Variants in XPO5 observed in about 807,000 individuals in gnomAD.
XPO5 encodes the protein exportin-5.
XPO5 carries 46 observed loss-of-function variants against 160.6 expected under a neutral mutation model. That is an observed-to-expected ratio of 0.29 (90% CI 0.23 to 0.37). The LOEUF is 0.37. XPO5 is among the 10% of genes least tolerant of loss of function. XPO5 has a pLI of 1.00. For missense variants in XPO5, 1,090 were observed against 1,463.9 expected (o/e 0.74, Z 4.17); for synonymous variants, 537 against 519.3 (o/e 1.03, Z -0.46).
At position 43,525,180 on chromosome 6, in the gene XPO5, T is replaced by C. The variant is rs758244933; in HGVS notation, c.3101A>G (p.Asn1034Ser). The change falls in exon 29 of 32, where the codon AAT becomes AGT. Residue 1034 changes from asparagine to serine, a missense_variant. Transcript: ENST00000265351. ...VCTALLITAF[N>S]SLAWKDTLSC... ...CAGAGTATCTTTCCAGGCCAGGGAA[T>C]TGAAGGCTGTAATTAATAGCGCTGT... 4 of 1,583,170 alleles carry C rather than the reference T, an allele frequency of 2.5e-6. No homozygotes were observed. The highest frequency in any genetic ancestry group is 2.3e-5 in the East Asian group (1 of 43,704).
At chr6:43,543,381 A>C (rs1430501262) in intron 20 of XPO5, among the ~76,000 whole-genome samples, 19 of 152,182 alleles carry the variant, frequency 1.2e-4, no homozygotes, top group Admixed American at 1.2e-3. Flanking sequence ...TGAGCCCATG[A>C]GGTCGAGGCT....
In XPO5 at chr6:43,556,430, T is replaced by C. The variant is rs1026342867; in HGVS notation, c.1313-466A>G. ...GTCCCAGTAACTTGGGAGAGTGAGGTAGGAGGATCAGCTGAGCCCAGGGAG... is the reference window on the plus strand; with the variant it reads ...GTCCCAGTAACTTGGGAGAGTGAGGCAGGAGGATCAGCTGAGCCCAGGGAG... On this transcript the variant is annotated intron_variant, in intron 12 of 31. Coordinates refer to ENST00000265351, the MANE Select transcript of XPO5 (RefSeq NM_020750.3). Among the ~76,000 whole-genome samples, 4 of 148,952 alleles carry C rather than the reference T, an allele frequency of 2.7e-5. No homozygotes were observed. The East Asian group carries it at 8.0e-4, about 30-fold the overall frequency.
In XPO5 at chr6:43,549,361, G is replaced by C. The variant is rs79734655; in HGVS notation, c.1860+128C>G. 2,863 of 909,728 alleles carry C rather than the reference G, an allele frequency of 3.1e-3. 51 individuals carry two copies. In the African/African-American group the frequency reaches 0.041, roughly 13 times the overall value. The allele number at this position is 909,728 out of a possible 1,614,324, so 56.4% of individuals were successfully genotyped here. A position where few individuals can be genotyped will look rare whatever the true frequency, so the allele number is the denominator to read the frequency against. ...TTACAGGTGTGAGCCACCATGCCCG[G>C]CCAAGGATGCTTATATGATGCAAAG... On this transcript the variant is annotated intron_variant, in intron 17 of 31. Transcript: ENST00000265351.
chr6:43,542,323 A>C (rs1794737118), intron 20 of XPO5, among the ~76,000 whole-genome samples: 1 of 152,130 alleles, frequency 6.6e-6, no homozygotes, highest in Non-Finnish European at 1.5e-5. Context: ...TTCTATTATC[A>C]GATTATTTGA....
chr6:43,533,055 A>T (rs1291172180), intron 21 of XPO5, among the ~76,000 whole-genome samples: 1 of 152,138 alleles, frequency 6.6e-6, no homozygotes, highest in Non-Finnish European at 1.5e-5. Context: ...GAATCACTTG[A>T]ACCTGGAAGG....
intron 12 of XPO5, 40 bp from the exon 13 acceptor site, chr6:43,556,004 A>G: frequency 6.2e-7 from 1 of 1,610,000 alleles, no homozygotes; most frequent in Non-Finnish European, 8.5e-7. Flanking sequence ...AGGAATCAAT[A>G]ACTGGTATAA....
At position 43,568,728 on chromosome 6, in the gene XPO5, T is replaced by C. The variant is rs757610933; in HGVS notation, c.631A>G (p.Thr211Ala). 3.2e-5 allele frequency: 50 copies of C among 1,577,616 alleles called. No homozygotes were observed. The East Asian group carries it at 1.2e-3, about 36-fold the overall frequency. ...GCTCTTACCTTTGACTCCTGAGAAG[T>C]ATCTGTCTTCTGAAAGGAAGTATAA... ...VNKYQQVKTD[T>A]SQESKAQANC... is the part of the protein sequence containing the mutation. Residue 211 changes from threonine to alanine, a missense_variant, in exon 6 of 32, where the codon ACT becomes GCT. By Grantham distance (58) the Thr-to-Ala change is moderately conservative. Coordinates refer to ENST00000265351, the MANE Select transcript of XPO5 (RefSeq NM_020750.3).
chr6:43,562,539 TAG>T, intron 8 of XPO5, 193 bp from the exon 9 acceptor site: 1 of 543,294 alleles, frequency 1.8e-6, no homozygotes, highest in Non-Finnish European at 3.3e-6. Context: ...TAAAATGATA[TAG>T]GACTATTCAC....
rs753934683 is a variant in XPO5 at position 43,570,564 on chromosome 6, C to T, written c.559G>A (p.Glu187Lys). 1 of 1,613,702 alleles carries T rather than the reference C, an allele frequency of 6.2e-7. No homozygotes were observed. Residue 187 changes from glutamate (E) to lysine (K), a missense_variant, in exon 5 of 32, where the codon GAA becomes AAA. Around this residue, in one of 3 missense-constraint regions of XPO5, gnomAD observed 110 missense variants for 97.9 expected, o/e 1.12. Transcript: ENST00000265351. Reference protein sequence around the residue: ...DIQQTLTQNMERIFSFLLNTL... With the variant: ...DIQQTLTQNMKRIFSFLLNTL... ...TTAAGCAGAAAACTGAAGATCCTTTCCATGTTCTGGGTTAATGTTTGCTGG... is the reference window on the plus strand; with the variant it reads ...TTAAGCAGAAAACTGAAGATCCTTTTCATGTTCTGGGTTAATGTTTGCTGG...
chr6:43,565,142 A>G (rs1244293356), intron 8 of XPO5, among the ~76,000 whole-genome samples: 2 of 152,104 alleles, frequency 1.3e-5, no homozygotes, highest in African/African-American at 2.4e-5. Flanking sequence ...GGCTGGTCTC[A>G]AACTCCTGGC....
At chr6:43,532,085 C>G (rs1050250444) in intron 21 of XPO5, among the ~76,000 whole-genome samples, 1 of 152,202 alleles carries the variant, frequency 6.6e-6, no homozygotes, top group East Asian at 1.9e-4. Context: ...TCTAGTATTT[C>G]TGGTTGGCCA....
intron 8 of XPO5, 68 bp from the exon 9 acceptor site, chr6:43,562,414 G>C: frequency 8.7e-7 from 1 of 1,153,676 alleles, no homozygotes; most frequent in South Asian, 1.3e-5. Context: ...ATCACTTTGT[G>C]TCTCATTTCT....
At position 43,533,888 on chromosome 6, in the gene XPO5, A is replaced by G; in HGVS notation, c.2443+19T>C. ...AGGGATAAGATAAACCTTAGGAGAA[A>G]AAAGGTTACATTTCTTACCTAATAT... On this transcript the variant is annotated intron_variant, in intron 21 of 31. Transcript: ENST00000265351. 1 of 1,566,250 alleles carries G rather than the reference A, an allele frequency of 6.4e-7. No homozygotes were observed. Among genetic ancestry groups the G allele is most frequent in the South Asian group, 1.1e-5 (1 of 89,516 alleles).
chr6:43,549,800 C>T (rs780522642), intron 16 of XPO5, 93 bp downstream of exon 16: 81 of 1,368,704 alleles, frequency 5.9e-5, no homozygotes, highest in Non-Finnish European at 8.2e-5. Context: ...TTACTACCCC[C>T]TCCCATTTAT....
intron 23 of XPO5, chr6:43,529,326 G>A (rs1111785): frequency 0.098 from 66,430 of 680,884 alleles, 8,356 homozygotes; most frequent in African/African-American, 0.5. Context: ...GTGGATCACG[G>A]GGTCAAGAGA....
chr6:43,548,126 T>A, intron 18 of XPO5, 135 bp downstream of exon 18: 1 of 921,234 alleles, frequency 1.1e-6, no homozygotes, highest in Non-Finnish European at 1.6e-6. Context: ...AAGACTGCTT[T>A]TAGAGAACTT....
chr6:43,534,569 G>A (rs930513127), intron 20 of XPO5, among the ~76,000 whole-genome samples: 7 of 152,170 alleles, frequency 4.6e-5, no homozygotes, highest in Admixed American at 2.6e-4. Context: ...TGATATACCC[G>A]CTGTCCACAG....
In XPO5 at chr6:43,565,572, A is replaced by T. The variant is rs1762656644; in HGVS notation, c.911+88T>A. The T allele has an allele frequency of 1.2e-5, 15 of 1,261,646 alleles. No individual in the cohort carries two copies. In the South Asian group the frequency reaches 1.5e-4, roughly 13 times the overall value. 78.2% of individuals were successfully genotyped at this position (1,261,646 alleles called of 1,614,324 possible). On this transcript the variant is annotated intron_variant, in intron 8 of 31. Transcript: ENST00000265351. The stretch of plus-strand genomic sequence containing the variant: ...AGAGCGAGATCCATCTCAAAATAAA[A>T]AAAAAAAAAAGAACTTCAGATAAAT...
rs145380094 is a variant in XPO5, at chr6:43,557,734, T to C, written c.1312+767A>G. On this transcript the variant is annotated intron_variant, in intron 12 of 31. Coordinates refer to ENST00000265351, the MANE Select transcript of XPO5 (RefSeq NM_020750.3). ...TACTAAAAACCATTAAATTATATAC[T>C]GTATGTGGGTGAACTGTATGGTAAA... is the stretch of plus-strand genomic sequence containing the variant. 8.4e-3 allele frequency among the ~76,000 whole-genome samples: 1,198 copies of C among 142,994 alleles called. 8 individuals carry two copies. The highest frequency in any genetic ancestry group is 0.014 in the Non-Finnish European group (932 of 66,722). 93.8% of individuals were successfully genotyped at this position (142,994 alleles called of 152,430 possible).
Sources: gnomAD v4.1 joint callset for allele counts (sites outside exome capture counted in the v4.1 genomes callset) on GRCh38, gnomAD v4.1.1 for gene constraint, gnomAD v4.1.1 regional missense constraint, MANE v1.5 for transcripts, NCBI Gene and HGNC (gene_info 2026-07-23, HGNC 2026-07-21) for gene names.